CCDC7: variants seen among roughly 807,000 people sequenced by gnomAD.
CCDC7 encodes the protein coiled-coil domain containing 7, also known as coiled-coil domain-containing protein 7.
CCDC7 carries 183 observed loss-of-function variants against 196.9 expected under a neutral mutation model. The ratio of observed to expected loss-of-function variants is 0.93; its 90% CI spans 0.82 to 1.05. The LOEUF is 1.05. Ranked by LOEUF, CCDC7 falls within the 50% of genes least tolerant of loss-of-function variation. The pLI is 0.00. For synonymous variants in CCDC7, 525 were observed against 484.6 expected, an observed-to-expected ratio of 1.08 and a Z score of -1.10; for missense variants, 1,540 against 1,482.2, an observed-to-expected ratio of 1.04 and a Z score of -0.64.
chr10:32,661,693 C>G (rs1337770935), intron 20 of CCDC7, among the ~76,000 whole-genome samples: 5 of 152,252 alleles, frequency 3.3e-5, no homozygotes, highest in African/African-American at 1.2e-4. Context: ...AGGCCTGGAA[C>G]GGAGGCCTCA....
chr10:32,542,469 C>G (rs1486802730), intron 11 of CCDC7, among the ~76,000 whole-genome samples: 1 of 151,838 alleles, frequency 6.6e-6, no homozygotes, highest in African/African-American at 2.4e-5. Context: ...CCTGTCTCTA[C>G]TAAAAATACA....
intron 15 of CCDC7, among the ~76,000 whole-genome samples, chr10:32,569,326 G>A (rs900805692): frequency 1.3e-5 from 2 of 152,194 alleles, no homozygotes; most frequent in Non-Finnish European, 2.9e-5. Flanking sequence ...TAATTTAACT[G>A]TAACCTTCTT....
At chr10:32,600,769 A>G (rs1256280845) in intron 18 of CCDC7, among the ~76,000 whole-genome samples, 2 of 152,202 alleles carry the variant, frequency 1.3e-5, no homozygotes, top group African/African-American at 2.4e-5. Context: ...CAAATAAATG[A>G]TACAATAATA....
chr10:32,766,896 C>T (rs2078398930), intron 28 of CCDC7, among the ~76,000 whole-genome samples: 1 of 152,102 alleles, frequency 6.6e-6, no homozygotes, highest in African/African-American at 2.4e-5. Flanking sequence ...GAGGTTAAAA[C>T]CAGGTACTGT....
chr10:32,488,694 C>A (rs1215726440), intron 8 of CCDC7, among the ~76,000 whole-genome samples: 1 of 152,194 alleles, frequency 6.6e-6, no homozygotes, highest in Non-Finnish European at 1.5e-5. Context: ...TTAAACTTCT[C>A]ATTTTGTTCG....
At chr10:32,545,985 CAGA>C (rs2052395375) in intron 13 of CCDC7, among the ~76,000 whole-genome samples, 1 of 150,018 alleles carries the variant, frequency 6.7e-6, no homozygotes, top group Non-Finnish European at 1.5e-5. Flanking sequence ...GGCTCTAGTG[CAGA>C]AGAATAGAGA....
intron 13 of CCDC7, among the ~76,000 whole-genome samples, chr10:32,557,575 T>C (rs1037856891): frequency 2.0e-5 from 3 of 152,186 alleles, no homozygotes; most frequent in Non-Finnish European, 4.4e-5. Context: ...TTTGTATCGA[T>C]ATATTTTCAA....
Position 32,461,559 on chromosome 10 carries a change from C to T in CCDC7, c.457-1124C>T, listed in dbSNP as rs74910397. Among the ~76,000 whole-genome samples the T allele has an allele frequency of 9.9e-5, 15 of 150,850 alleles. No individual in the cohort carries two copies. In the East Asian group the frequency reaches 2.5e-3, roughly 25 times the overall value. On this transcript the variant is annotated intron_variant, in intron 3 of 41. Coordinates refer to ENST00000639629, the Ensembl canonical transcript of CCDC7. ...TATTTTATATCTTGATTTTCTAGAC[C>T]GTTTAGCAGGAACAGAGTTGTATTG...
chr10:32,611,502 A>G (rs527813134), intron 18 of CCDC7, among the ~76,000 whole-genome samples: 7 of 152,276 alleles, frequency 4.6e-5, no homozygotes, highest in Admixed American at 2.6e-4. Flanking sequence ...GCCCATGCCT[A>G]TGTCCTGAAT....
intron 30 of CCDC7, among the ~76,000 whole-genome samples, chr10:32,808,195 T>C (rs1414182436): frequency 3.3e-5 from 5 of 152,098 alleles, no homozygotes; most frequent in Non-Finnish European, 5.9e-5. Flanking sequence ...ATGCATACCA[T>C]TGGGGGATCT....
intron 9 of CCDC7, among the ~76,000 whole-genome samples, chr10:32,493,907 G>T (rs1004947021): frequency 5.9e-5 from 9 of 152,028 alleles, no homozygotes; most frequent in African/African-American, 2.2e-4. Flanking sequence ...TCTTGTAGTT[G>T]AGTTGAGCTC....
intron 24 of CCDC7, among the ~76,000 whole-genome samples, chr10:32,707,446 A>G (rs568684414): frequency 2.0e-5 from 3 of 152,216 alleles, no homozygotes; most frequent in Admixed American, 2.0e-4. Context: ...CGCCTATTCA[A>G]CATAGTATTG....
At chr10:32,665,718 A>G (rs960497442) in intron 21 of CCDC7, among the ~76,000 whole-genome samples, 2 of 152,072 alleles carry the variant, frequency 1.3e-5, no homozygotes, top group South Asian at 2.1e-4. Flanking sequence ...ATGGTTACAT[A>G]TGAATTTTTG....
chr10:32,759,208 A>T (rs1368449985), intron 28 of CCDC7, among the ~76,000 whole-genome samples: 1 of 152,200 alleles, frequency 6.6e-6, no homozygotes, highest in African/African-American at 2.4e-5. Flanking sequence ...CCATCAAGCT[A>T]CCAATGACTT....
At chr10:32,716,290 G>A (rs930856351) in intron 25 of CCDC7, among the ~76,000 whole-genome samples, 3 of 152,096 alleles carry the variant, frequency 2.0e-5, no homozygotes, top group African/African-American at 7.2e-5. Flanking sequence ...TTCATATCCA[G>A]CCAAACTAAG....
rs78864560 is a variant in CCDC7, at chr10:32,463,037, T to C, written c.498T>C (p.Asn166=). The C allele has an allele frequency of 4.2e-4, 683 of 1,613,616 alleles. 5 individuals carry two copies. The East Asian group carries it at 0.015, about 35-fold the overall frequency. ...TAAAGTGGTTTCAGTGGCAGGTCAA[T>C]CAGATGGAAGAAGTAAGTCTAACGT... The change falls in exon 5 of 42, where the codon AAT becomes AAC. Residue 166 remains asparagine (N), a synonymous_variant. Coordinates refer to ENST00000639629, the Ensembl canonical transcript of CCDC7.
downstream of CCDC7, among the ~76,000 whole-genome samples, chr10:32,881,223 T>C (rs1196183053): frequency 6.6e-6 from 1 of 152,084 alleles, no homozygotes; most frequent in Non-Finnish European, 1.5e-5. Context: ...AGGTACCAGT[T>C]GATTATAGAG....
At chr10:32,485,383 C>G (rs1053661046) in intron 8 of CCDC7, among the ~76,000 whole-genome samples, 18 of 152,128 alleles carry the variant, frequency 1.2e-4, no homozygotes, top group African/African-American at 4.3e-4. Context: ...ATTCTTCTCT[C>G]TTTTCTTCTT....
chr10:32,585,732 C>G (rs1309443669), intron 18 of CCDC7, among the ~76,000 whole-genome samples: 3 of 152,184 alleles, frequency 2.0e-5, no homozygotes, highest in Admixed American at 1.3e-4. Flanking sequence ...GCATAGTATT[C>G]CACGGTGTAT....
Sources: gnomAD v4.1 joint callset for allele counts (sites outside exome capture counted in the v4.1 genomes callset) on GRCh38, gnomAD v4.1.1 for gene constraint, MANE v1.5 for transcripts, NCBI Gene and HGNC (gene_info 2026-07-23, HGNC 2026-07-21) for gene names.